ARHGAP22: variants seen among roughly 807,000 people sequenced by gnomAD.
ARHGAP22 encodes the protein Rho GTPase activating protein 22, also known as rho GTPase-activating protein 22.
In ARHGAP22, 48 loss-of-function variants were observed where a neutral mutation model predicts 59.1. The observed-to-expected ratio is 0.81, with a 90% CI of 0.64 to 1.03. ARHGAP22 has a LOEUF of 1.03. Ranked by LOEUF, ARHGAP22 falls within the 50% of genes least tolerant of loss-of-function variation. ARHGAP22 has a pLI of 0.00. For synonymous variants in ARHGAP22, 445 were observed against 416.4 expected, an observed-to-expected ratio of 1.07 and a Z score of -0.84; for missense variants, 1,015 against 958.7, an observed-to-expected ratio of 1.06 and a Z score of -0.78.
At chr10:48,438,559 C>A in the ARHGAP22 span, 1 of 152,154 alleles carries the variant, frequency 6.6e-6, no homozygotes, top group South Asian at 2.1e-4. Flanking sequence ...GAAATATTAC[C>A]TGTGGATTAA....
rs372685020 is a variant in ARHGAP22 at position 48,454,256 on chromosome 10, G to A, written c.793-95C>T. On this transcript the variant is annotated intron_variant, in intron 6 of 9. Transcript: ENST00000249601. ...GGGTGGGCAAAGAGAAGGGAGGTGG[G>A]GGCTACGGCAGCCCAGCCCCAACAG... The A allele has an allele frequency of 1.6e-4, 184 of 1,173,250 alleles. 2 individuals are homozygous for A. The African/African-American group carries it at 2.5e-3, about 16-fold the overall frequency. 72.7% of individuals were successfully genotyped at this position (1,173,250 alleles called of 1,614,324 possible).
chr10:48,576,064 AAGCCCCTTTACAGG>A (rs1402828190), intron 2 of ARHGAP22, among the ~76,000 whole-genome samples: 2 of 152,182 alleles, frequency 1.3e-5, no homozygotes, highest in African/African-American at 4.8e-5. Context: ...TGTGGCAGTG[AAGCCCCTTTACAGG>A]AGTCCTCTAG....
chr10:48,624,326 A>T (rs2061376789), intron 1 of ARHGAP22: 1 of 152,302 alleles, frequency 6.6e-6, no homozygotes, highest in Admixed American at 6.5e-5. Context: ...TTGTAATCCC[A>T]GCTACTCAGG....
At chr10:48,629,462 A>G (rs867485879) in intron 1 of ARHGAP22, among the ~76,000 whole-genome samples, 2 of 152,194 alleles carry the variant, frequency 1.3e-5, no homozygotes, top group Middle Eastern at 3.2e-3. Context: ...TTTTGTAAAA[A>G]GTGTAAGGCC....
At chr10:48,539,441 G>A (rs1418559851) in intron 3 of ARHGAP22, among the ~76,000 whole-genome samples, 5 of 150,546 alleles carry the variant, frequency 3.3e-5, no homozygotes, top group Admixed American at 6.6e-5. Context: ...ACAGGCGCCC[G>A]CCACTACGCC....
intron 3 of ARHGAP22, among the ~76,000 whole-genome samples, chr10:48,505,241 G>A (rs979083949): frequency 1.3e-5 from 2 of 152,114 alleles, no homozygotes; most frequent in Non-Finnish European, 2.9e-5. Flanking sequence ...TTTTAATAGA[G>A]ATGAGGTTTC....
intron 3 of ARHGAP22, among the ~76,000 whole-genome samples, chr10:48,522,245 C>T (rs540696630): frequency 2.0e-5 from 3 of 152,368 alleles, no homozygotes; most frequent in Admixed American, 2.0e-4. Context: ...CTTCCATGGG[C>T]TGCAGAACCT....
intron 2 of ARHGAP22, among the ~76,000 whole-genome samples, chr10:48,558,083 G>T (rs2057422654): frequency 6.6e-6 from 1 of 152,164 alleles, no homozygotes; most frequent in South Asian, 2.1e-4. Flanking sequence ...CCTGGATTTG[G>T]AGTGTTTGCT....
In ARHGAP22 at chr10:48,603,009, T is replaced by G. The variant is rs557960701; in HGVS notation, c.34+1754A>C. Among the ~76,000 whole-genome samples, 4 of 152,264 alleles carry G rather than the reference T, an allele frequency of 2.6e-5. No homozygotes were observed. The East Asian group carries it at 5.8e-4, about 22-fold the overall frequency. On this transcript the variant is annotated intron_variant, in intron 1 of 9. Coordinates refer to ENST00000249601, the MANE Select transcript of ARHGAP22 (RefSeq NM_021226.4). ...GCGCACATGTGAATGTGGGAGGCAT[T>G]TCAGGGGAAAGAACGATGTGCAAAA...
Position 48,450,335 on chromosome 10 carries a change from G to A in ARHGAP22, c.1794C>T (p.Ala598=). ...TGAGCTCAGTGACCAGCCCCTGTAA[G>A]GCCTCGGAGCGGCGCGCGTGTTCCC... is the stretch of plus-strand genomic sequence containing the variant. ...PTREHARRSE[A]LQGLVTELRA... The change falls in exon 9 of 10, where the codon GCC becomes GCT. Residue 598 remains alanine, a synonymous_variant. Coordinates refer to ENST00000249601, the MANE Select transcript of ARHGAP22 (RefSeq NM_021226.4). The A allele has an allele frequency of 6.2e-7, 1 of 1,601,512 alleles. No homozygotes were observed.
intron 1 of ARHGAP22, among the ~76,000 whole-genome samples, chr10:48,627,342 G>A (rs1359304550): frequency 2.6e-5 from 4 of 152,312 alleles, no homozygotes; most frequent in East Asian, 3.9e-4. Flanking sequence ...ATCTGAAGTC[G>A]GGGAGGTCTT....
At chr10:48,461,157 A>C (rs1424817786) in intron 4 of ARHGAP22, among the ~76,000 whole-genome samples, 1 of 152,202 alleles carries the variant, frequency 6.6e-6, no homozygotes, top group Admixed American at 6.5e-5. Context: ...ATTTTATGAA[A>C]TGTTTTAAAA....
At chr10:48,496,730 G>A (rs1434460745) in intron 3 of ARHGAP22, among the ~76,000 whole-genome samples, 1 of 152,174 alleles carries the variant, frequency 6.6e-6, no homozygotes, top group Non-Finnish European at 1.5e-5. Context: ...AGTCTGTACT[G>A]CCGTGTGCCG....
chr10:48,579,980 A>G (rs2059009229), intron 2 of ARHGAP22, among the ~76,000 whole-genome samples: 1 of 152,152 alleles, frequency 6.6e-6, no homozygotes, highest in East Asian at 1.9e-4. Context: ...TGAGATTGGG[A>G]ACCTGGGCAG....
chr10:48,436,952 GT>G, the ARHGAP22 span: 1 of 152,198 alleles, frequency 6.6e-6, no homozygotes, highest in Non-Finnish European at 1.5e-5. Flanking sequence ...ACAATTAGCT[GT>G]ATTTTCTGTA....
intron 1 of ARHGAP22, among the ~76,000 whole-genome samples, chr10:48,646,813 A>G (rs2062320385): frequency 6.6e-6 from 1 of 152,210 alleles, no homozygotes; most frequent in African/African-American, 2.4e-5. Context: ...AGTGTTTGTG[A>G]TGTTGGGTTA....
At chr10:48,654,802 CT>C (rs1565068640), upstream of ARHGAP22, among the ~76,000 whole-genome samples, 1,919 of 141,428 alleles carry the variant, frequency 0.014, 22 homozygotes, top group African/African-American at 0.014. Flanking sequence ...TTCTTTCTTT[CT>C]TTCTTTCTTT....
chr10:48,654,435 C>T (rs183773033), upstream of ARHGAP22, among the ~76,000 whole-genome samples: 1 of 152,352 alleles, frequency 6.6e-6, no homozygotes, highest in East Asian at 1.9e-4. Context: ...GTCCACTCAC[C>T]CATCCCTGAA....
intron 3 of ARHGAP22, among the ~76,000 whole-genome samples, chr10:48,500,844 C>T (rs1310842685): frequency 2.0e-5 from 3 of 148,684 alleles, no homozygotes; most frequent in Non-Finnish European, 4.4e-5. Flanking sequence ...TGAGCCAAGA[C>T]GACGCCACTG....
Sources: gnomAD v4.1 joint callset for allele counts (sites outside exome capture counted in the v4.1 genomes callset) on GRCh38, gnomAD v4.1.1 for gene constraint, MANE v1.5 for transcripts, NCBI Gene and HGNC (gene_info 2026-07-23, HGNC 2026-07-21) for gene names.